The following HIPK2 variants were observed in gnomAD, a reference collection of about 807,000 sequenced individuals.
HIPK2 encodes homeodomain-interacting protein kinase 2.
A neutral mutation model predicts 113.7 loss-of-function variants in HIPK2; 27 were observed. That is an observed-to-expected ratio of 0.24 (90% CI 0.17 to 0.33). HIPK2 has a LOEUF of 0.33. Among genes scored for constraint, HIPK2 ranks in the 10% least tolerant of loss-of-function variants. The pLI is 1.00. For missense variants in HIPK2, 1,257 were observed against 1,588.0 expected (o/e 0.79, Z 3.54); for synonymous variants, 631 against 642.2 (o/e 0.98, Z 0.26).
chr7:139,748,963 T>C (rs1429491500), intron 1 of HIPK2, among the ~76,000 whole-genome samples: 1 of 152,190 alleles, frequency 6.6e-6, no homozygotes, highest in Admixed American at 6.5e-5. Context: ...ATGAGGCTAT[T>C]TCCATGATAC....
intron 1 of HIPK2, among the ~76,000 whole-genome samples, chr7:139,769,051 T>C (rs1796602720): frequency 1.3e-5 from 2 of 152,142 alleles, no homozygotes. Flanking sequence ...CAAAAAGAGA[T>C]TCTTTAGAAA....
At chr7:139,671,388 A>C (rs1802290732) in intron 2 of HIPK2, among the ~76,000 whole-genome samples, 1 of 152,230 alleles carries the variant, frequency 6.6e-6, no homozygotes, top group African/African-American at 2.4e-5. Flanking sequence ...AAGAACTTCT[A>C]GCGTGACATT....
intron 1 of HIPK2, among the ~76,000 whole-genome samples, chr7:139,725,745 A>G (rs1795556444): frequency 6.6e-6 from 1 of 152,214 alleles, no homozygotes; most frequent in African/African-American, 2.4e-5. Context: ...GTCAGACTCC[A>G]GGTGTTTGCT....
At chr7:139,762,215 G>A (rs904003060) in intron 1 of HIPK2, among the ~76,000 whole-genome samples, 3 of 152,222 alleles carry the variant, frequency 2.0e-5, no homozygotes, top group African/African-American at 7.2e-5. Context: ...TCATTGCTTA[G>A]ATGATTCTCT....
At chr7:139,721,068 C>T (rs1795393211) in intron 1 of HIPK2, among the ~76,000 whole-genome samples, 1 of 152,200 alleles carries the variant, frequency 6.6e-6, no homozygotes, top group Non-Finnish European at 1.5e-5. Context: ...CCCTGCACCA[C>T]AGCCGGCTGC....
At chr7:139,726,231 C>T (rs1461827258) in intron 1 of HIPK2, among the ~76,000 whole-genome samples, 4 of 152,132 alleles carry the variant, frequency 2.6e-5, no homozygotes, top group Admixed American at 6.5e-5. Flanking sequence ...TAAGAAGAGC[C>T]GGGCTAAGGG....
intron 10 of HIPK2, among the ~76,000 whole-genome samples, chr7:139,601,482 C>A (rs1055056745): frequency 6.6e-6 from 1 of 152,200 alleles, no homozygotes; most frequent in African/African-American, 2.4e-5. Context: ...TGAATTCCCT[C>A]AGTGGCTGGA....
intron 2 of HIPK2, among the ~76,000 whole-genome samples, chr7:139,669,928 T>C (rs1466282119): frequency 6.6e-6 from 1 of 152,208 alleles, no homozygotes; most frequent in African/African-American, 2.4e-5. Flanking sequence ...TAATCAAGCT[T>C]TATTTACTTT....
chr7:139,692,473 CCTA>C (rs1355015403), intron 2 of HIPK2, among the ~76,000 whole-genome samples: 2 of 152,150 alleles, frequency 1.3e-5, no homozygotes, highest in African/African-American at 2.4e-5. Flanking sequence ...TCACAGCAAT[CCTA>C]CTAAGGGAGC....
chr7:139,695,479 G>A (rs1310762276), intron 2 of HIPK2, among the ~76,000 whole-genome samples: 2 of 152,198 alleles, frequency 1.3e-5, no homozygotes, highest in African/African-American at 4.8e-5. Flanking sequence ...TGACATCAAT[G>A]CTACATGGGA....
In HIPK2 at chr7:139,620,384, T is replaced by G; in HGVS notation, c.1782+17A>C. On this transcript the variant is annotated intron_variant, in intron 7 of 14. Transcript: ENST00000406875. Reference sequence around the variant, plus strand: ...CTGTGCAGCCCCGCCTCTCCTTCCCTTCTGTTTCCCACTTACCTGGTTGTG... The same window carrying G: ...CTGTGCAGCCCCGCCTCTCCTTCCCGTCTGTTTCCCACTTACCTGGTTGTG... 1 of 1,613,770 alleles carries G rather than the reference T, an allele frequency of 6.2e-7. No homozygotes were observed. Among genetic ancestry groups the G allele is most frequent in the South Asian group, 1.1e-5 (1 of 91,066 alleles).
chr7:139,730,363 T>TC (rs1341194142), intron 1 of HIPK2, among the ~76,000 whole-genome samples: 4 of 150,824 alleles, frequency 2.7e-5, no homozygotes, highest in Non-Finnish European at 5.9e-5. Flanking sequence ...ATTTTTTCTC[T>TC]CTTTTTTTTT....
chr7:139,726,016 C>T (rs80256535), intron 1 of HIPK2, among the ~76,000 whole-genome samples: 6,733 of 152,298 alleles, frequency 0.044, 245 homozygotes, highest in Middle Eastern at 0.15. Context: ...AACTACAGGA[C>T]GCACCTGACT....
Position 139,714,462 on chromosome 7 carries a change from C to A in HIPK2, c.1103+1470G>T, listed in dbSNP as rs1343403274. 2.0e-5 allele frequency among the ~76,000 whole-genome samples: 3 copies of A among 152,158 alleles called. No individual in the cohort carries two copies. The highest frequency in any genetic ancestry group is 2.9e-5 in the Non-Finnish European group (2 of 68,022). ...GGCTGGGAGGAGACTTGCAACAGCT[C>A]TGCCTGCAGCCAGGATGGGGGCCCG... On this transcript the variant is annotated intron_variant, in intron 2 of 14. Transcript: ENST00000406875. This position sits in a 1 kb window ranked among gnomAD's most constrained non-coding sequence, Gnocchi z 4.2.
intron 11 of HIPK2, among the ~76,000 whole-genome samples, chr7:139,600,158 A>C (rs1799368798): frequency 6.6e-6 from 1 of 152,000 alleles, no homozygotes; most frequent in Non-Finnish European, 1.5e-5. Flanking sequence ...AGTTGAGCCC[A>C]ATCTCTCTTG....
intron 7 of HIPK2, among the ~76,000 whole-genome samples, chr7:139,618,565 T>A (rs768502689): frequency 6.6e-6 from 1 of 152,200 alleles, no homozygotes; most frequent in Admixed American, 6.5e-5. Flanking sequence ...GACAACTGCC[T>A]TTTGATGAGC....
At chr7:139,647,573 T>G (rs1334469158) in intron 2 of HIPK2, among the ~76,000 whole-genome samples, 1 of 152,172 alleles carries the variant, frequency 6.6e-6, no homozygotes, top group African/African-American at 2.4e-5. Flanking sequence ...CATAGGGAGT[T>G]TGTATCTATC....
chr7:139,650,309 C>CA (rs1157352260), intron 2 of HIPK2, among the ~76,000 whole-genome samples: 1 of 145,710 alleles, frequency 6.9e-6, no homozygotes, highest in Non-Finnish European at 1.5e-5. Context: ...AAGATTGTGC[C>CA]ACTGCACTCC....
intron 2 of HIPK2, among the ~76,000 whole-genome samples, chr7:139,668,792 T>C (rs896218579): frequency 6.6e-6 from 1 of 152,234 alleles, no homozygotes; most frequent in Non-Finnish European, 1.5e-5. Flanking sequence ...TTAAATTGGA[T>C]ATTAGCTGTT....
Sources: gnomAD v4.1 joint callset for allele counts (sites outside exome capture counted in the v4.1 genomes callset) on GRCh38, gnomAD v4.1.1 for gene constraint, Gnocchi (gnomAD v3.1) non-coding constraint, MANE v1.5 for transcripts, NCBI Gene and HGNC (gene_info 2026-07-23, HGNC 2026-07-21) for gene names.